The following RIMS1 variants were observed in gnomAD, a reference collection of about 807,000 sequenced individuals.
RIMS1 encodes regulating synaptic membrane exocytosis 1.
In RIMS1, 83 loss-of-function variants were observed where a neutral mutation model predicts 214.1. The observed-to-expected ratio is 0.39, with a 90% confidence interval of 0.32 to 0.47. RIMS1 has a LOEUF of 0.47. Among genes scored for constraint, RIMS1 ranks in the 20% least tolerant of loss-of-function variants. RIMS1 has a pLI of 0.99. For missense variants in RIMS1, 2,050 were observed against 2,161.8 expected (o/e 0.95, Z 1.03); for synonymous variants, 793 against 786.8 (o/e 1.01, Z -0.13).
intron 1 of RIMS1, among the ~76,000 whole-genome samples, chr6:71,897,479 A>G (rs1450000838): frequency 6.6e-6 from 1 of 152,136 alleles, no homozygotes; most frequent in Non-Finnish European, 1.5e-5. Flanking sequence ...ACTAGTTTTC[A>G]AGGGTAATTG....
chr6:72,033,429 G>A (rs181622867), intron 2 of RIMS1, among the ~76,000 whole-genome samples: 7 of 152,214 alleles, frequency 4.6e-5, no homozygotes, highest in South Asian at 2.1e-4. Context: ...TTATCACATC[G>A]TGTGCCTCTT....
rs200655727 is a variant in RIMS1 at position 72,093,228 on chromosome 6, A to ATATATATATATATATATAT, written c.246-3721_246-3720insTATATATATATATATATAT. On this transcript the variant is annotated intron_variant, in intron 2 of 33. Coordinates refer to ENST00000521978, the MANE Select transcript of RIMS1 (RefSeq NM_014989.7). ...TATGTGAGTATATATATATATATAT[A>ATATATATATATATATATAT]AAAACATGTGTGTATATATGTATAT... is the stretch of plus-strand genomic sequence containing the variant. 7.6e-3 allele frequency among the ~76,000 whole-genome samples: 1,035 copies of ATATATATATATATATATAT among 136,894 alleles called. 31 individuals carry two copies. Among genetic ancestry groups the ATATATATATATATATATAT allele is most frequent in the African/African-American group, 0.023 (894 of 39,566 alleles). The allele number at this position is 136,894 out of a possible 152,430, so 89.8% of individuals were successfully genotyped here.
chr6:72,239,128 A>C (rs972565778), intron 9 of RIMS1, among the ~76,000 whole-genome samples: 6 of 152,166 alleles, frequency 3.9e-5, no homozygotes, highest in Non-Finnish European at 7.4e-5. Context: ...ACTCAAAAAT[A>C]AGCCTCAGAA....
At chr6:72,356,322 A>T (rs2097642912) in intron 29 of RIMS1, among the ~76,000 whole-genome samples, 1 of 151,972 alleles carries the variant, frequency 6.6e-6, no homozygotes, top group South Asian at 2.1e-4. Flanking sequence ...AAAAAAAATG[A>T]TGTTCTGTGT....
chr6:72,233,954 A>C (rs1273638178), intron 7 of RIMS1, 114 bp downstream of exon 7: 1 of 678,118 alleles, frequency 1.5e-6, no homozygotes, highest in East Asian at 2.8e-5. Flanking sequence ...GCAAATATTG[A>C]TTTCATTTAA....
chr6:71,889,148 T>A (rs963677064), intron 1 of RIMS1, among the ~76,000 whole-genome samples: 7 of 152,240 alleles, frequency 4.6e-5, no homozygotes, highest in African/African-American at 1.7e-4. Flanking sequence ...AGGCTGCTGC[T>A]TGCCAGAGTC....
intron 1 of RIMS1, among the ~76,000 whole-genome samples, chr6:71,921,754 T>C (rs1780063661): frequency 1.3e-5 from 2 of 152,192 alleles, no homozygotes; most frequent in Admixed American, 1.3e-4. Context: ...TAAAAAAAAG[T>C]AGTCATTTAA....
At chr6:72,323,044 G>T (rs1016189314) in intron 28 of RIMS1, among the ~76,000 whole-genome samples, 16 of 152,112 alleles carry the variant, frequency 1.1e-4, no homozygotes, top group African/African-American at 3.9e-4. Context: ...ATAGTTAGAG[G>T]GGTATGACAA....
At position 72,284,078 on chromosome 6, in the gene RIMS1, C is replaced by T. The variant is rs775012742; in HGVS notation, c.3514C>T (p.Gln1172Ter). The T allele has an allele frequency of 4.3e-6, 7 of 1,612,976 alleles. No individual in the cohort carries two copies. The highest frequency in any genetic ancestry group is 5.9e-6 in the Non-Finnish European group (7 of 1,179,292). Residue 1172 changes from glutamine (Q) to a stop codon, truncating the protein, a stop_gained, in exon 24 of 34, where the codon CAA (glutamine) becomes TAA (stop). Coordinates refer to ENST00000521978, the MANE Select transcript of RIMS1 (RefSeq NM_014989.7). LOFTEE classifies it high-confidence loss of function. ...CAGAAAGTCTGAAAGATCTAGCATC[C>T]AAAAACAGACTAGGAAAGGCACTGC... ...HSRKSERSSI[Q>*]KQTRKGTASD... is the part of the protein sequence containing the mutation.
At chr6:72,131,057 G>A (rs1246017500) in intron 4 of RIMS1, among the ~76,000 whole-genome samples, 1 of 152,136 alleles carries the variant, frequency 6.6e-6, no homozygotes, top group Non-Finnish European at 1.5e-5. Flanking sequence ...TTCCTATGGT[G>A]TTCTTAATAT....
chr6:72,298,501 T>C (rs968597733), intron 26 of RIMS1, among the ~76,000 whole-genome samples: 4 of 151,984 alleles, frequency 2.6e-5, no homozygotes, highest in African/African-American at 4.8e-5. Context: ...CTCTTCAACA[T>C]TCAGACAGCA....
intron 2 of RIMS1, among the ~76,000 whole-genome samples, chr6:71,988,209 C>A (rs1160585649): frequency 6.6e-6 from 1 of 152,084 alleles, no homozygotes; most frequent in Non-Finnish European, 1.5e-5. Flanking sequence ...TTCATGCTAG[C>A]CTGCTTTCAG....
chr6:72,182,619 G>A lies in RIMS1; in HGVS notation c.1148G>A (p.Arg383His). The change falls in exon 6 of 34, where the codon CGC (arginine) becomes CAC (histidine). Residue 383 changes from arginine (R) to histidine (H), a missense_variant. This residue lies in a region of RIMS1 where 882 missense variants were observed against 828.9 expected (regional missense o/e 1.06). Coordinates refer to ENST00000521978, the MANE Select transcript of RIMS1 (RefSeq NM_014989.7). ...ATGCGCATGCACGCCCGGGTGTCCC[G>A]CGCCAGGCACGAGCGGCGCCACAGC... ...QQMRMHARVS[R>H]ARHERRHSDV... is the part of the protein sequence containing the mutation. 2 of 1,546,312 alleles carry A rather than the reference G, an allele frequency of 1.3e-6. No homozygotes were observed. Among genetic ancestry groups the A allele is most frequent in the East Asian group, 2.5e-5 (1 of 40,800 alleles).
intron 7 of RIMS1, 150 bp downstream of exon 7, chr6:72,233,990 G>A: frequency 1.9e-6 from 1 of 516,162 alleles, no homozygotes; most frequent in Non-Finnish European, 3.5e-6. Flanking sequence ...AAGAAAAAAA[G>A]TTATTACTGG....
In RIMS1 at chr6:71,918,490, A is replaced by G. The variant is rs558822014; in HGVS notation, c.164+31303A>G. On this transcript the variant is annotated intron_variant, in intron 1 of 33. Transcript: ENST00000521978. ...GAAGACAAAAACATAATTGGAGTGG[A>G]TTCAAGAAAGAATGTGAAATTGCAA... is the stretch of plus-strand genomic sequence containing the variant. 3.9e-5 allele frequency among the ~76,000 whole-genome samples: 6 copies of G among 152,306 alleles called. No homozygotes were observed. The East Asian group carries it at 1.2e-3, about 29-fold the overall frequency.
At chr6:72,164,516 T>G (rs2045984570) in intron 4 of RIMS1, among the ~76,000 whole-genome samples, 1 of 152,220 alleles carries the variant, frequency 6.6e-6, no homozygotes, top group African/African-American at 2.4e-5. Flanking sequence ...GCTGTTCCTA[T>G]TTAGCCATCT....
At position 71,946,632 on chromosome 6, in the gene RIMS1, C is replaced by G. The variant is rs917505907; in HGVS notation, c.165-22351C>G. On this transcript the variant is annotated intron_variant, in intron 1 of 33. Coordinates refer to ENST00000521978, the MANE Select transcript of RIMS1 (RefSeq NM_014989.7). ...TTCACACCATATACAAAAATCAACT[C>G]AAAATGAATTAAACACTTAAATGTA... 4.9e-4 allele frequency among the ~76,000 whole-genome samples: 74 copies of G among 152,010 alleles called. 2 individuals are homozygous for G. Among genetic ancestry groups the G allele is most frequent in the Admixed American group, 4.9e-3 (74 of 15,248 alleles).
intron 3 of RIMS1, among the ~76,000 whole-genome samples, chr6:72,097,398 C>T (rs1255165491): frequency 6.6e-6 from 1 of 152,102 alleles, no homozygotes; most frequent in Non-Finnish European, 1.5e-5. Context: ...AATTCAAAAC[C>T]AACAGATTAC....
intron 1 of RIMS1, among the ~76,000 whole-genome samples, chr6:71,967,783 A>G (rs1178175727): frequency 2.6e-5 from 4 of 152,168 alleles, no homozygotes; most frequent in African/African-American, 9.7e-5. Context: ...TTGTCATGTA[A>G]CATATTGATT....
Sources: gnomAD v4.1 joint callset for allele counts (sites outside exome capture counted in the v4.1 genomes callset) on GRCh38, gnomAD v4.1.1 for gene constraint, gnomAD v4.1.1 regional missense constraint, MANE v1.5 for transcripts, NCBI Gene and HGNC (gene_info 2026-07-23, HGNC 2026-07-21) for gene names.